The following DOCK4 variants were observed in gnomAD, a reference collection of about 807,000 sequenced individuals.
The protein encoded by DOCK4 is dedicator of cytokinesis 4.
A neutral mutation model predicts 268.1 loss-of-function variants in DOCK4; 97 were observed. The observed-to-expected ratio is 0.36, with a 90% CI of 0.31 to 0.43. DOCK4 has a LOEUF of 0.43. Among genes scored for constraint, DOCK4 ranks in the 20% least tolerant of loss-of-function variants. The probability of loss-of-function intolerance (pLI) is 1.00; values close to 1 mark genes in which losing one functional copy is unlikely to be tolerated. For missense variants in DOCK4, 2,145 were observed against 2,455.7 expected (o/e 0.87, Z 2.67); for synonymous variants, 954 against 887.2 (o/e 1.08, Z -1.34).
In DOCK4 at chr7:111,728,174, CTGAG is replaced by C. The variant is rs557597291; in HGVS notation, c.*96_*99del. Reference sequence around the variant, plus strand: ...GTTTTAATTCCATTCATCGAAGGAGCTGAGTAAGTTATTAAAGTGCCTACACTAA... The same window carrying C: ...GTTTTAATTCCATTCATCGAAGGAGCTAAGTTATTAAAGTGCCTACACTAA... On this transcript the variant is annotated 3_prime_UTR_variant, in exon 53 of 53. Transcript: ENST00000428084. 178 of 860,266 alleles carry C rather than the reference CTGAG, an allele frequency of 2.1e-4. No individual in the cohort carries two copies. The highest frequency in any genetic ancestry group is 2.3e-4 in the African/African-American group (13 of 57,196). The allele number at this position is 860,266 out of a possible 1,614,324, so 53.3% of individuals were successfully genotyped here.
intron 4 of DOCK4, among the ~76,000 whole-genome samples, chr7:111,995,413 TTG>T (rs71529492): frequency 0.093 from 10,838 of 116,820 alleles, 509 homozygotes; most frequent in Non-Finnish European, 0.12. Flanking sequence ...AATTCTTTCT[TTG>T]TGTGTGTGTG....
intron 7 of DOCK4, among the ~76,000 whole-genome samples, chr7:111,983,860 G>GCACACACACACACACACA (rs375791144): frequency 0.032 from 4,056 of 128,676 alleles, 97 homozygotes; most frequent in Non-Finnish European, 0.047. Flanking sequence ...GCGCGCGCGC[G>GCACACACACACACACACA]CGCACACACA....
chr7:112,093,057 T>C (rs1809781709), intron 1 of DOCK4, among the ~76,000 whole-genome samples: 1 of 152,174 alleles, frequency 6.6e-6, no homozygotes, highest in Non-Finnish European at 1.5e-5. Flanking sequence ...TGGGGGCATG[T>C]GGAGATAATT....
chr7:111,734,776 C>CCAAGGTTA (rs1215795591), intron 51 of DOCK4, among the ~76,000 whole-genome samples: 3 of 152,100 alleles, frequency 2.0e-5, no homozygotes, highest in Non-Finnish European at 4.4e-5. Flanking sequence ...TAGTGGCCTA[C>CCAAGGTTA]CAAGGTTAGG....
chr7:112,145,019 G>A (rs150949927), intron 1 of DOCK4, among the ~76,000 whole-genome samples: 1 of 152,196 alleles, frequency 6.6e-6, no homozygotes, highest in African/African-American at 2.4e-5. Context: ...ATTTTCCGGT[G>A]CTTCTGTAAG....
intron 13 of DOCK4, among the ~76,000 whole-genome samples, chr7:111,914,248 T>A (rs1325983076): frequency 6.6e-6 from 1 of 152,262 alleles, no homozygotes; most frequent in Admixed American, 6.5e-5. Flanking sequence ...CTCAACACCA[T>A]GATCACCACT....
intron 1 of DOCK4, among the ~76,000 whole-genome samples, chr7:112,171,330 C>T (rs1183897404): frequency 2.6e-5 from 4 of 152,050 alleles, no homozygotes; most frequent in African/African-American, 9.7e-5. Context: ...AAAGGAAAAG[C>T]AATATTTATA....
At chr7:111,927,795 G>A (rs924437905) in intron 12 of DOCK4, among the ~76,000 whole-genome samples, 1 of 152,176 alleles carries the variant, frequency 6.6e-6, no homozygotes, top group East Asian at 1.9e-4. Flanking sequence ...ATGGTTCCTT[G>A]GCATACTGAC....
At chr7:111,758,811 A>C (rs1362621585) in intron 40 of DOCK4, 21 bp from the exon 41 acceptor site, 2 of 1,612,194 alleles carry the variant, frequency 1.2e-6, no homozygotes, top group East Asian at 4.5e-5. Flanking sequence ...AGAGTCAAGG[A>C]GAGAACCTGA....
chr7:111,847,172 G>C (rs571376794), intron 23 of DOCK4, 46 bp from the exon 24 acceptor site: 10 of 1,609,064 alleles, frequency 6.2e-6, no homozygotes. Flanking sequence ...GGAGTCCCAC[G>C]CAATACCTAG....
At chr7:112,008,713 G>C (rs1001496703) in intron 1 of DOCK4, among the ~76,000 whole-genome samples, 2 of 152,180 alleles carry the variant, frequency 1.3e-5, no homozygotes, top group Non-Finnish European at 2.9e-5. Context: ...AGAATTATTG[G>C]CCAGGCACAC....
intron 30 of DOCK4, among the ~76,000 whole-genome samples, chr7:111,792,620 T>C (rs1026924043): frequency 6.6e-6 from 1 of 151,986 alleles, no homozygotes; most frequent in Non-Finnish European, 1.5e-5. Flanking sequence ...TGACCTCAGG[T>C]GATCCACCCG....
intron 5 of DOCK4, 65 bp downstream of exon 5, chr7:111,994,070 A>AT: frequency 9.5e-7 from 1 of 1,054,436 alleles, no homozygotes; most frequent in Non-Finnish European, 1.4e-6. Context: ...ATGCTTACTC[A>AT]TGTTCATGTA....
intron 1 of DOCK4, among the ~76,000 whole-genome samples, chr7:112,097,547 T>C (rs1210161678): frequency 2.6e-5 from 4 of 152,156 alleles, no homozygotes; most frequent in African/African-American, 9.7e-5. Context: ...AGCAAGATCC[T>C]GATCCAAAAA....
intron 10 of DOCK4, among the ~76,000 whole-genome samples, chr7:111,944,431 A>T (rs1054737107): frequency 1.3e-5 from 2 of 152,206 alleles, no homozygotes; most frequent in Non-Finnish European, 2.9e-5. Context: ...ATGCCAATTT[A>T]TACAGAGCCT....
chr7:112,157,510 T>C (rs1368318529), intron 1 of DOCK4, among the ~76,000 whole-genome samples: 1 of 152,320 alleles, frequency 6.6e-6, no homozygotes, highest in African/African-American at 2.4e-5. Flanking sequence ...ATTTTTAAAA[T>C]AGGAAATCTG....
At chr7:112,045,331 C>T (rs191625792) in intron 1 of DOCK4, among the ~76,000 whole-genome samples, 2 of 152,140 alleles carry the variant, frequency 1.3e-5, no homozygotes, top group African/African-American at 4.8e-5. Context: ...AAAGGCAACA[C>T]CCTTCCACTG....
At chr7:112,139,021 C>A (rs1258974666) in intron 1 of DOCK4, among the ~76,000 whole-genome samples, 2 of 152,182 alleles carry the variant, frequency 1.3e-5, no homozygotes, top group Non-Finnish European at 2.9e-5. Flanking sequence ...ACCTCCAGAG[C>A]TGTGAGAAAT....
chr7:112,058,139 G>A (rs558785880), intron 1 of DOCK4, among the ~76,000 whole-genome samples: 1 of 150,608 alleles, frequency 6.6e-6, no homozygotes, highest in African/African-American at 2.4e-5. Context: ...TTTTTGGAGA[G>A]AGGGAATTCT....
Sources: gnomAD v4.1 joint callset for allele counts (sites outside exome capture counted in the v4.1 genomes callset) on GRCh38, gnomAD v4.1.1 for gene constraint, MANE v1.5 for transcripts, NCBI Gene and HGNC (gene_info 2026-07-23, HGNC 2026-07-21) for gene names.